SYT16: variants seen among roughly 807,000 people sequenced by gnomAD.
SYT16 encodes the protein synaptotagmin 16.
In SYT16, 42 loss-of-function variants were observed where a neutral mutation model predicts 61.4. The observed-to-expected ratio is 0.68, with a 90% CI of 0.53 to 0.89. SYT16 has a LOEUF of 0.89. Among genes scored for constraint, SYT16 ranks in the 40% least tolerant of loss-of-function variants. SYT16 has a pLI of 0.00. For missense variants in SYT16, 804 were observed against 807.3 expected (o/e 1.00, Z 0.05); for synonymous variants, 314 against 302.3 (o/e 1.04, Z -0.40).
At chr14:61,946,562 G>T (rs763749730) in intron 1 of SYT16, among the ~76,000 whole-genome samples, 10 of 152,192 alleles carry the variant, frequency 6.6e-5, no homozygotes, top group Non-Finnish European at 1.0e-4. Flanking sequence ...TTTTAAAAAA[G>T]AAAACATTCT....
chr14:62,066,237 A>G (rs1178721808), intron 3 of SYT16, among the ~76,000 whole-genome samples: 1 of 152,206 alleles, frequency 6.6e-6, no homozygotes, highest in African/African-American at 2.4e-5. Flanking sequence ...ACAGAGTGAG[A>G]GTTCTTTCCA....
intron 2 of SYT16, among the ~76,000 whole-genome samples, chr14:61,980,397 T>C (rs1385735935): frequency 2.0e-5 from 3 of 152,154 alleles, no homozygotes; most frequent in Admixed American, 6.5e-5. Flanking sequence ...CCTTGATATA[T>C]CTCATGGCAA....
intron 1 of SYT16, among the ~76,000 whole-genome samples, chr14:61,916,402 G>A (rs1010439882): frequency 3.3e-5 from 5 of 151,970 alleles, no homozygotes; most frequent in Non-Finnish European, 7.4e-5. Context: ...ATTACTCCAC[G>A]GAGAGCTTAT....
chr14:61,948,408 A>T (rs1229303918), intron 1 of SYT16, among the ~76,000 whole-genome samples: 1 of 151,980 alleles, frequency 6.6e-6, no homozygotes, highest in Admixed American at 6.6e-5. Flanking sequence ...AGGCTTTTAA[A>T]AAACTAAAAA....
At chr14:62,000,248 CTG>C (rs2052955590) in intron 3 of SYT16, among the ~76,000 whole-genome samples, 1 of 150,858 alleles carries the variant, frequency 6.6e-6, no homozygotes, top group African/African-American at 2.4e-5. Flanking sequence ...GTTTGAAGCT[CTG>C]TTAAGTACGT....
At chr14:62,065,134 G>T (rs2056006813) in intron 3 of SYT16, among the ~76,000 whole-genome samples, 1 of 152,180 alleles carries the variant, frequency 6.6e-6, no homozygotes, top group South Asian at 2.1e-4. Context: ...ACTCTTCACA[G>T]GTTTCAGGGT....
chr14:61,902,930 T>A (rs956767013), intron 1 of SYT16, among the ~76,000 whole-genome samples: 17 of 152,128 alleles, frequency 1.1e-4, no homozygotes, highest in African/African-American at 3.9e-4. Context: ...TCTTACCAAG[T>A]CCCTCCCACA....
Position 62,075,253 on chromosome 14 carries a change from A to G in SYT16, c.855A>G (p.Thr285=). ...CERGDAKHHG[T]SHQESSVVQS... ...GAGGGGATGCCAAACACCACGGCACATCTCACCAAGAGTCCAGTGTGGTCC... is the reference window on the plus strand; with the variant it reads ...GAGGGGATGCCAAACACCACGGCACGTCTCACCAAGAGTCCAGTGTGGTCC... The change falls in exon 5 of 8, where the codon ACA becomes ACG. Residue 285 remains threonine, a synonymous_variant. Transcript: ENST00000683842. 1 of 1,613,948 alleles carries G rather than the reference A, an allele frequency of 6.2e-7. No individual in the cohort carries two copies. Among genetic ancestry groups the G allele is most frequent in the Non-Finnish European group, 8.5e-7 (1 of 1,179,866 alleles).
intron 1 of SYT16, among the ~76,000 whole-genome samples, chr14:61,870,611 G>C (rs989832356): frequency 6.6e-6 from 1 of 152,016 alleles, no homozygotes; most frequent in African/African-American, 2.4e-5. Context: ...TAGGCCACAT[G>C]ATGTTATCTT....
Position 62,106,779 on chromosome 14 carries a change from C to G in SYT16, c.*6072C>G, listed in dbSNP as rs558868591. On this transcript the variant is annotated 3_prime_UTR_variant, in exon 8 of 8. Coordinates refer to ENST00000683842, the MANE Select transcript of SYT16 (RefSeq NM_001367656.1). ...TTCCCTTGGGTCACAAAACCATATC[C>G]TAGACACACAGACAATAATCACCTT... 6.6e-6 allele frequency: 1 copy of G among 152,192 alleles called. No homozygotes were observed. Among genetic ancestry groups the G allele is most frequent in the African/African-American group, 2.4e-5 (1 of 41,532 alleles). 9.4% of individuals were successfully genotyped at this position (152,192 alleles called of 1,614,324 possible).
At chr14:61,813,450 A>G (rs1389896026) in intron 1 of SYT16, among the ~76,000 whole-genome samples, 1 of 151,956 alleles carries the variant, frequency 6.6e-6, no homozygotes, top group African/African-American at 2.4e-5. Context: ...GGAAATTGGA[A>G]TCCCGTCTGT....
At chr14:61,970,692 T>G (rs1003403243) in intron 2 of SYT16, among the ~76,000 whole-genome samples, 4 of 151,892 alleles carry the variant, frequency 2.6e-5, no homozygotes, top group African/African-American at 9.7e-5. Context: ...CAAAGGGAGG[T>G]TTTTACTCTT....
chr14:61,864,834 G>A, intron 1 of SYT16: 2 of 1,026,152 alleles, frequency 1.9e-6, no homozygotes, highest in Non-Finnish European at 3.0e-6. Flanking sequence ...TATGACGGTG[G>A]GCCTTGCTAT....
In SYT16 at chr14:62,100,279, C is replaced by G. The variant is rs1009929234; in HGVS notation, c.1625-115C>G. The G allele has an allele frequency of 4.7e-6, 4 of 855,484 alleles. No homozygotes were observed. In the African/African-American group the frequency reaches 6.8e-5, roughly 15 times the overall value. 53.0% of individuals were successfully genotyped at this position (855,484 alleles called of 1,614,324 possible). Reference sequence around the variant, plus strand: ...AAGAACCAGGCTTAAGGATACTGATCAGTATGTTGAAAGGAGAAATTTGTA... The same window carrying G: ...AAGAACCAGGCTTAAGGATACTGATGAGTATGTTGAAAGGAGAAATTTGTA... On this transcript the variant is annotated intron_variant, in intron 7 of 7. Coordinates refer to ENST00000683842, the MANE Select transcript of SYT16 (RefSeq NM_001367656.1).
At chr14:61,985,589 G>A (rs2052271539) in intron 2 of SYT16, among the ~76,000 whole-genome samples, 1 of 152,118 alleles carries the variant, frequency 6.6e-6, no homozygotes, top group African/African-American at 2.4e-5. Flanking sequence ...GCTCTTCATA[G>A]AAGTGAAACT....
chr14:61,886,912 C>CTTTTTTT (rs2047930727), intron 1 of SYT16, among the ~76,000 whole-genome samples: 2 of 101,886 alleles, frequency 2.0e-5, no homozygotes, highest in South Asian at 3.0e-4. Flanking sequence ...TTTTTTTTTT[C>CTTTTTTT]CTTTTTATGG....
At chr14:62,020,320 G>A (rs1314692170) in intron 3 of SYT16, among the ~76,000 whole-genome samples, 1 of 152,240 alleles carries the variant, frequency 6.6e-6, no homozygotes, top group Non-Finnish European at 1.5e-5. Flanking sequence ...TACTGTGTGT[G>A]TATATATCTT....
chr14:62,044,350 G>C (rs1232457947), intron 3 of SYT16, among the ~76,000 whole-genome samples: 1 of 152,086 alleles, frequency 6.6e-6, no homozygotes, highest in Non-Finnish European at 1.5e-5. Flanking sequence ...TTGTTACATA[G>C]GTATACACAT....
At chr14:61,972,704 G>C (rs2051613680) in intron 2 of SYT16, among the ~76,000 whole-genome samples, 1 of 152,212 alleles carries the variant, frequency 6.6e-6, no homozygotes, top group Admixed American at 6.5e-5. Context: ...GTGAAGTTGG[G>C]ATGTTCTTAA....
Sources: gnomAD v4.1 joint callset for allele counts (sites outside exome capture counted in the v4.1 genomes callset) on GRCh38, gnomAD v4.1.1 for gene constraint, MANE v1.5 for transcripts, NCBI Gene and HGNC (gene_info 2026-07-23, HGNC 2026-07-21) for gene names.